The following ITPR1 variants were observed in gnomAD, a reference collection of about 807,000 sequenced individuals.
ITPR1 encodes inositol 1,4,5-trisphosphate-gated calcium channel ITPR1.
In ITPR1, 96 loss-of-function variants were observed where a neutral mutation model predicts 318.4. The ratio of observed to expected loss-of-function variants is 0.30; its 90% confidence interval spans 0.26 to 0.36. The LOEUF is 0.36. ITPR1 is among the 10% of genes least tolerant of loss of function. The pLI, the probability that ITPR1 is intolerant of heterozygous loss-of-function variation, is 1.00. For synonymous variants in ITPR1, 1,312 were observed against 1,289.9 expected (o/e 1.02, Z -0.37); for missense variants, 2,440 against 3,460.2 (o/e 0.71, Z 7.40).
intron 60 of ITPR1, among the ~76,000 whole-genome samples, chr3:4,821,113 C>T (rs1376754478): frequency 1.3e-5 from 2 of 152,214 alleles, no homozygotes; most frequent in Non-Finnish European, 2.9e-5. Context: ...TGTAGCTACT[C>T]CAGCGTGGAG....
At chr3:4,740,398 G>A (rs1251215208) in intron 44 of ITPR1, among the ~76,000 whole-genome samples, 2 of 152,182 alleles carry the variant, frequency 1.3e-5, no homozygotes, top group African/African-American at 4.8e-5. Context: ...CTTAGGATAA[G>A]CTCACTGGGA....
chr3:4,736,144 G>GTT (rs5846334), intron 44 of ITPR1, among the ~76,000 whole-genome samples: 95 of 150,016 alleles, frequency 6.3e-4, no homozygotes, highest in Middle Eastern at 6.8e-3. Flanking sequence ...CTGAATAAGA[G>GTT]TTTTTTTTTT....
chr3:4,667,769 G>T (rs1425281797), intron 18 of ITPR1, among the ~76,000 whole-genome samples: 3 of 152,122 alleles, frequency 2.0e-5, no homozygotes, highest in Non-Finnish European at 4.4e-5. Flanking sequence ...ATGAGCTTGG[G>T]TTTTTTCCTG....
chr3:4,595,557 T>G (rs745427314), intron 4 of ITPR1, among the ~76,000 whole-genome samples: 9 of 152,172 alleles, frequency 5.9e-5, no homozygotes, highest in Non-Finnish European at 1.0e-4. Context: ...TCAAAACTCT[T>G]AGACTCAGCA....
At chr3:4,587,574 A>G (rs115228081) in intron 4 of ITPR1, among the ~76,000 whole-genome samples, 1 of 151,998 alleles carries the variant, frequency 6.6e-6, no homozygotes, top group Non-Finnish European at 1.5e-5. Flanking sequence ...CCCGGCCCAC[A>G]CTTCTCATTT....
At chr3:4,636,493 A>G (rs73106502) in intron 5 of ITPR1, among the ~76,000 whole-genome samples, 10 of 152,178 alleles carry the variant, frequency 6.6e-5, no homozygotes, top group African/African-American at 2.2e-4. Flanking sequence ...CAGTGGTACT[A>G]TCTCAGCTCT....
At chr3:4,664,018 A>G (rs1174401665) in intron 16 of ITPR1, among the ~76,000 whole-genome samples, 2 of 152,230 alleles carry the variant, frequency 1.3e-5, no homozygotes, top group African/African-American at 4.8e-5. Context: ...CTTGTTGGAT[A>G]TCAATCATGT....
Position 4,740,658 on chromosome 3 carries a change from C to G in ITPR1, c.5544+5304C>G, listed in dbSNP as rs113543276. 6.7e-3 allele frequency among the ~76,000 whole-genome samples: 1,025 copies of G among 152,314 alleles called. 15 individuals are homozygous for G. The highest frequency in any genetic ancestry group is 0.024 in the African/African-American group (996 of 41,562). ...GTGGTGTCCCCAGGTCTCCCAGCAT[C>G]TTTTCTTCCTGCCCCGGCTCCTGCA... On this transcript the variant is annotated intron_variant, in intron 44 of 61. Coordinates refer to ENST00000649015, the MANE Select transcript of ITPR1 (RefSeq NM_001378452.1).
chr3:4,790,779 T>C (rs2047505781), intron 52 of ITPR1, among the ~76,000 whole-genome samples: 1 of 152,242 alleles, frequency 6.6e-6, no homozygotes, highest in African/African-American at 2.4e-5. Flanking sequence ...TGGGGCTTAG[T>C]ATTTTCTTCT....
chr3:4,697,451 C>A (rs1386377560), intron 34 of ITPR1, among the ~76,000 whole-genome samples, 179 bp downstream of exon 34: 2 of 72,288 alleles, frequency 2.8e-5, no homozygotes, highest in East Asian at 4.5e-4. Context: ...TGTATCCTTT[C>A]TTCCTTTTTT....
intron 12 of ITPR1, among the ~76,000 whole-genome samples, chr3:4,657,737 T>A (rs1382218043): frequency 2.0e-5 from 3 of 152,148 alleles, no homozygotes; most frequent in African/African-American, 7.2e-5. Flanking sequence ...AGTGCTGGGA[T>A]TACAGGTTTG....
intron 61 of ITPR1, among the ~76,000 whole-genome samples, chr3:4,837,812 C>A (rs2051037986): frequency 6.6e-6 from 1 of 151,996 alleles, no homozygotes. Context: ...GTGAGAAGAC[C>A]CTGATTGGTT....
At chr3:4,647,147 A>G (rs990581555) in intron 10 of ITPR1, among the ~76,000 whole-genome samples, 10 of 152,070 alleles carry the variant, frequency 6.6e-5, no homozygotes, top group Non-Finnish European at 1.5e-4. Flanking sequence ...GTCATACAGT[A>G]TACAGTCTTT....
intron 2 of ITPR1, among the ~76,000 whole-genome samples, chr3:4,506,184 G>C (rs1434167693): frequency 2.6e-5 from 4 of 152,142 alleles, no homozygotes; most frequent in African/African-American, 9.7e-5. Context: ...ATTACATTTA[G>C]AATAGAAGGC....
intron 44 of ITPR1, among the ~76,000 whole-genome samples, chr3:4,739,301 G>A (rs184682361): frequency 9.3e-4 from 142 of 152,324 alleles, no homozygotes; most frequent in African/African-American, 3.1e-3. Context: ...CGGAGCTGGT[G>A]GAGCACGGTC....
chr3:4,543,153 T>C (rs1430040139), intron 4 of ITPR1, among the ~76,000 whole-genome samples: 2 of 151,868 alleles, frequency 1.3e-5, no homozygotes, highest in Admixed American at 1.3e-4. Flanking sequence ...ACCTATAGTT[T>C]CAGCTACTCG....
chr3:4,675,029 T>C lies in ITPR1; in HGVS notation c.2599-39T>C, dbSNP rs41315890. ...AAATGGAATTGAAGGGGATGCAGTTTATGTAATACCGTCTTCTTCTTTTAT... is the reference window on the plus strand; with the variant it reads ...AAATGGAATTGAAGGGGATGCAGTTCATGTAATACCGTCTTCTTCTTTTAT... On this transcript the variant is annotated intron_variant, in intron 22 of 61. Transcript: ENST00000649015. The C allele has an allele frequency of 1.6e-3, 1,911 of 1,168,544 alleles. 17 individuals carry two copies. The Middle Eastern group carries it at 0.027, about 17-fold the overall frequency. The allele number at this position is 1,168,544 out of a possible 1,614,324, so 72.4% of individuals were successfully genotyped here. A position where few individuals can be genotyped will look rare whatever the true frequency, so the allele number is the denominator to read the frequency against.
At chr3:4,552,666 A>G (rs1037647881) in intron 4 of ITPR1, among the ~76,000 whole-genome samples, 1 of 152,156 alleles carries the variant, frequency 6.6e-6, no homozygotes, top group Non-Finnish European at 1.5e-5. Context: ...AAGCTTCATT[A>G]TGTAAGCATG....
At chr3:4,723,935 T>C (rs2042334414) in intron 40 of ITPR1, among the ~76,000 whole-genome samples, 1 of 152,218 alleles carries the variant, frequency 6.6e-6, no homozygotes, top group Non-Finnish European at 1.5e-5. Context: ...TAAGGGAAGA[T>C]AGCAAAAATG....
Sources: gnomAD v4.1 joint callset for allele counts (sites outside exome capture counted in the v4.1 genomes callset) on GRCh38, gnomAD v4.1.1 for gene constraint, MANE v1.5 for transcripts, NCBI Gene and HGNC (gene_info 2026-07-23, HGNC 2026-07-21) for gene names.